The following DVL1 variants were observed in gnomAD, a reference collection of about 807,000 sequenced individuals.
DVL1 encodes the protein dishevelled segment polarity protein 1.
Under a neutral mutation model 65.0 loss-of-function variants are expected in DVL1, and 49 were observed. That is an observed-to-expected ratio of 0.75 (90% CI 0.60 to 0.96). The LOEUF (loss-of-function observed/expected upper bound fraction) is 0.96. Among genes scored for constraint, DVL1 ranks in the 40% least tolerant of loss-of-function variants. DVL1 has a pLI of 0.00. For missense variants in DVL1, 1,197 were observed against 1,045.4 expected (o/e 1.15, Z -2.00); for synonymous variants, 608 against 433.9 (o/e 1.40, Z -4.99).
Position 1,338,042 on chromosome 1 carries a change from G to T in DVL1, c.1649C>A (p.Pro550Gln). The change falls in exon 14 of 15, where the codon CCG becomes CAG. Residue 550 changes from proline to glutamine, a missense_variant. Transcript: ENST00000378888. The stretch of plus-strand genomic sequence containing the variant: ...AAAGCCCGGGTCCTGGTAGGCAGGC[G>T]GGAAGCAGGGTGGGGGTCCCGGGTA... ...YQYPGPPPCFPPAYQDPGFSY... is the reference protein window; with the variant it reads ...YQYPGPPPCFQPAYQDPGFSY... The T allele has an allele frequency of 6.2e-7, 1 of 1,611,712 alleles. No individual in the cohort carries two copies. The highest frequency in any genetic ancestry group is 1.3e-5 in the African/African-American group (1 of 75,004).
intron 1 of DVL1, among the ~76,000 whole-genome samples, chr1:1,347,947 G>A (rs2100776195): frequency 6.6e-6 from 1 of 152,312 alleles, no homozygotes; most frequent in South Asian, 2.1e-4. Flanking sequence ...GACTGGACCT[G>A]GGGCTGCCTG....
In DVL1 at chr1:1,341,691, G is replaced by A. The variant is rs1158843179; in HGVS notation, c.581C>T (p.Ser194Leu). 25 of 1,608,796 alleles carry A rather than the reference G, an allele frequency of 1.6e-5. No individual in the cohort carries two copies. The highest frequency in any genetic ancestry group is 6.6e-5 in the South Asian group (6 of 90,924). The change falls in exon 5 of 15, where the codon TCG becomes TTG. Residue 194 changes from serine to leucine, a missense_variant. Coordinates refer to ENST00000378888, the MANE Select transcript of DVL1 (RefSeq NM_001330311.2). ...SELESSSFVD[S>L]DEDGSTSRLS... is the part of the protein sequence containing the mutation. ...CCTGCTCGTGCTGCCATCCTCGTCC[G>A]AGTCCACAAAGCTGCTGGACTCAAG...
At chr1:1,345,135 C>T (rs1029104400) in intron 1 of DVL1, among the ~76,000 whole-genome samples, 1 of 152,062 alleles carries the variant, frequency 6.6e-6, no homozygotes. Flanking sequence ...GGCCCAAGCC[C>T]GCATGGCCCA....
rs749499869 is a variant in DVL1, at chr1:1,335,944, G to A, written c.*198C>T. 2.4e-5 allele frequency: 16 copies of A among 673,040 alleles called. No individual in the cohort carries two copies. The highest frequency in any genetic ancestry group is 8.4e-5 in the East Asian group (3 of 35,644). The allele number at this position is 673,040 out of a possible 1,614,324, so 41.7% of individuals were successfully genotyped here. ...TCTCGCTGAGGGGCAGAGAGGGAGC[G>A]CCCCCAACACGGCTGCTCAGACACA... On this transcript the variant is annotated 3_prime_UTR_variant, in exon 15 of 15. Transcript: ENST00000378888.
chr1:1,345,479 G>A (rs1220692586), intron 1 of DVL1, among the ~76,000 whole-genome samples: 11 of 152,186 alleles, frequency 7.2e-5, no homozygotes, highest in African/African-American at 2.7e-4. Flanking sequence ...CATTGGGGGC[G>A]TACCCACAAC....
chr1:1,341,498 C>T (rs1329538909), intron 5 of DVL1, among the ~76,000 whole-genome samples, 169 bp downstream of exon 5: 2 of 151,964 alleles, frequency 1.3e-5, no homozygotes, highest in African/African-American at 2.4e-5. Context: ...ATGTGGAACA[C>T]GTGCACAAGC....
At chr1:1,337,701 CCT>C (rs954107507) in intron 14 of DVL1, 29 of 650,566 alleles carry the variant, frequency 4.5e-5, no homozygotes, top group African/African-American at 2.3e-4. Flanking sequence ...CCAGGCTGCC[CCT>C]GTGTGAGACG....
In DVL1 at chr1:1,336,082, C is replaced by T; in HGVS notation, c.*60G>A. 1 of 1,539,590 alleles carries T rather than the reference C, an allele frequency of 6.5e-7. No homozygotes were observed. The highest frequency in any genetic ancestry group is 8.7e-7 in the Non-Finnish European group (1 of 1,148,280). ...CCACGAAGGCAAGCCCACGCGAGCT[C>T]TGCATGCGGCAGGACCGCCAGCTCC... On this transcript the variant is annotated 3_prime_UTR_variant, in exon 15 of 15. Transcript: ENST00000378888.
At chr1:1,343,108 G>T (rs1308029901) in intron 1 of DVL1, among the ~76,000 whole-genome samples, 1 of 152,168 alleles carries the variant, frequency 6.6e-6, no homozygotes, top group Admixed American at 6.5e-5. Context: ...GTCCCCTGCA[G>T]CGTTGGTCCC....
At chr1:1,338,233 C>CCCCCCCCCCCCCCA in intron 13 of DVL1, 36 bp downstream of exon 13, 3 of 1,518,916 alleles carry the variant, frequency 2.0e-6, no homozygotes, top group Non-Finnish European at 2.7e-6. Context: ...CGGCGTTCCC[C>CCCCCCCCCCCCCCA]TCCCCCCCGC....
intron 2 of DVL1, 74 bp downstream of exon 2, chr1:1,342,598 GGCCTCCCCACACCCACC>G: frequency 6.3e-7 from 1 of 1,579,778 alleles, no homozygotes; most frequent in Non-Finnish European, 8.6e-7. Context: ...AGCCTGCCAG[GGCCTCCCCACACCCACC>G]GCCTCCCCCA....
chr1:1,335,786 T>G lies in DVL1; in HGVS notation c.*356A>C. 6.7e-6 allele frequency: 2 copies of G among 296,636 alleles called. No homozygotes were observed. The highest frequency in any genetic ancestry group is 4.5e-5 in the South Asian group (1 of 22,098). The allele number at this position is 296,636 out of a possible 1,614,324, so 18.4% of individuals were successfully genotyped here. A position where few individuals can be genotyped will look rare whatever the true frequency, so the allele number is the denominator to read the frequency against. ...CAGGGGGCCTGTGCACCGCAGGGGG[T>G]TGCCCCGCATGGACCACCCTGGGGG... is the stretch of plus-strand genomic sequence containing the variant. On this transcript the variant is annotated 3_prime_UTR_variant, in exon 15 of 15. Transcript: ENST00000378888.
At chr1:1,345,442 G>T (rs1403747718) in intron 1 of DVL1, among the ~76,000 whole-genome samples, 1 of 152,192 alleles carries the variant, frequency 6.6e-6, no homozygotes, top group Non-Finnish European at 1.5e-5. Flanking sequence ...CCAGCCAGAT[G>T]GGGGAGGGTG....
In DVL1 at chr1:1,336,289, C is replaced by T. The variant is rs778958560; in HGVS notation, c.1941G>A (p.Thr647=). ...CCCCCACCACTGTATAGGCCTTGGT[C>T]GTGGGGTGGGGCGGGGGGAGCCCCG... The part of the protein sequence containing the change: ...TAPGLPPPHP[T]TKAYTVVGGP... Residue 647 remains threonine (T), a synonymous_variant, in exon 15 of 15, where the codon ACG becomes ACA. Transcript: ENST00000378888. 9.0e-6 allele frequency: 14 copies of T among 1,561,988 alleles called. No individual in the cohort carries two copies. The highest frequency in any genetic ancestry group is 2.3e-5 in the East Asian group (1 of 43,178).
At position 1,339,420 on chromosome 1, in the gene DVL1, G is replaced by A. The variant is rs994173639; in HGVS notation, c.1074C>T (p.Ile358=). The A allele has an allele frequency of 5.2e-6, 8 of 1,545,522 alleles. No homozygotes were observed. Among genetic ancestry groups the A allele is most frequent in the South Asian group, 3.6e-5 (3 of 83,896 alleles). ...TVPRADPVRP[I]DPAAWLSHTA... ...TGTGGGACAGCCAGGCGGCGGGGTC[G>A]ATGGGCCGCACCGGGTCAGCTGGGT... Residue 358 remains isoleucine, a synonymous_variant, in exon 11 of 15, where the codon ATC becomes ATT. Transcript: ENST00000378888.
Position 1,341,568 on chromosome 1 carries a change from G to A in DVL1, c.605+99C>T, listed in dbSNP as rs575736389. 315 of 1,425,670 alleles carry A rather than the reference G, an allele frequency of 2.2e-4. No homozygotes were observed. The African/African-American group carries it at 3.8e-3, about 17-fold the overall frequency. 88.3% of individuals were successfully genotyped at this position (1,425,670 alleles called of 1,614,324 possible). A position where few individuals can be genotyped will look rare whatever the true frequency, so the allele number is the denominator to read the frequency against. On this transcript the variant is annotated intron_variant, in intron 5 of 14. Transcript: ENST00000378888. ...CACACATGCACACACACGCACACAC[G>A]TGCAATGTGAAAACACCTCATGCAG...
rs925086632 is a variant in DVL1 at position 1,337,174 on chromosome 1, G to T, written c.1715-659C>A. 36 of 833,822 alleles carry T rather than the reference G, an allele frequency of 4.3e-5. 1 individual carries two copies. In the South Asian group the frequency reaches 1.4e-3, roughly 33 times the overall value. 51.7% of individuals were successfully genotyped at this position (833,822 alleles called of 1,614,324 possible). ...CGGGCTGGGCGGGGCTGAAGTGGGC[G>T]CAAGCGCCGGTCGAGGGTCAGTAGA... is the stretch of plus-strand genomic sequence containing the variant. On this transcript the variant is annotated intron_variant, in intron 14 of 14. Coordinates refer to ENST00000378888, the MANE Select transcript of DVL1 (RefSeq NM_001330311.2).
chr1:1,339,241 C>T, intron 11 of DVL1, 46 bp downstream of exon 11: 1 of 1,547,568 alleles, frequency 6.5e-7, no homozygotes, highest in Non-Finnish European at 8.7e-7. Context: ...GAGACGCCCC[C>T]TCCAAGCCTC....
chr1:1,337,903 G>C (rs752887884), intron 14 of DVL1, 74 bp downstream of exon 14: 9 of 1,210,524 alleles, frequency 7.4e-6, no homozygotes, highest in Non-Finnish European at 1.1e-5. Flanking sequence ...GTGGAACTGG[G>C]GGCGGAGCAG....
Sources: gnomAD v4.1 joint callset for allele counts (sites outside exome capture counted in the v4.1 genomes callset) on GRCh38, gnomAD v4.1.1 for gene constraint, MANE v1.5 for transcripts, NCBI Gene and HGNC (gene_info 2026-07-23, HGNC 2026-07-21) for gene names.